Variants in CAMK1D observed in about 807,000 individuals in gnomAD.
CAMK1D encodes calcium/calmodulin-dependent protein kinase type 1D.
Under a neutral mutation model 47.7 loss-of-function variants are expected in CAMK1D, and 9 were observed. The observed-to-expected ratio is 0.19, with a 90% CI of 0.11 to 0.33. The LOEUF (loss-of-function observed/expected upper bound fraction) is 0.33. Among genes scored for constraint, CAMK1D ranks in the 10% least tolerant of loss-of-function variants. The pLI is 1.00. For synonymous variants in CAMK1D, 184 were observed against 184.9 expected, an observed-to-expected ratio of 0.99 and a Z score of 0.04; for missense variants, 291 against 488.7, an observed-to-expected ratio of 0.60 and a Z score of 3.81.
intron 2 of CAMK1D, among the ~76,000 whole-genome samples, chr10:12,577,534 C>T (rs12252587): frequency 0.031 from 4,715 of 152,344 alleles, 244 homozygotes; most frequent in African/African-American, 0.11. Context: ...AGTTCTGTTT[C>T]TGCCATTATT....
At chr10:12,788,439 G>A (rs143409408) in intron 5 of CAMK1D, among the ~76,000 whole-genome samples, 1 of 152,352 alleles carries the variant, frequency 6.6e-6, no homozygotes, top group Non-Finnish European at 1.5e-5. Flanking sequence ...CTGGAACCTA[G>A]CGCCTCCACC....
intron 1 of CAMK1D, among the ~76,000 whole-genome samples, chr10:12,468,084 C>G (rs557906579): frequency 2.3e-4 from 35 of 152,038 alleles, no homozygotes; most frequent in Non-Finnish European, 2.9e-5. Flanking sequence ...GAGACAGGGT[C>G]TCACTCTGTC....
chr10:12,418,697 T>G (rs746546770), intron 1 of CAMK1D, among the ~76,000 whole-genome samples: 1 of 152,158 alleles, frequency 6.6e-6, no homozygotes, highest in Non-Finnish European at 1.5e-5. Flanking sequence ...GCATTAAATT[T>G]TTTTTCTGAT....
intron 1 of CAMK1D, among the ~76,000 whole-genome samples, chr10:12,462,997 A>G (rs1833482263): frequency 6.6e-6 from 1 of 152,234 alleles, no homozygotes; most frequent in Non-Finnish European, 1.5e-5. Flanking sequence ...AAATGAGCAT[A>G]TGCCAGAGAA....
intron 2 of CAMK1D, among the ~76,000 whole-genome samples, chr10:12,566,941 C>T (rs528203949): frequency 2.8e-4 from 42 of 152,278 alleles, no homozygotes; most frequent in Admixed American, 2.0e-3. Flanking sequence ...CTTGGATTGC[C>T]GTCGTATGCT....
At chr10:12,362,545 T>C (rs1215869463) in intron 1 of CAMK1D, among the ~76,000 whole-genome samples, 1 of 152,222 alleles carries the variant, frequency 6.6e-6, no homozygotes, top group African/African-American at 2.4e-5. Context: ...TCCCCCAGGC[T>C]GGAGTGCAGT....
rs536245329 is a variant in CAMK1D at position 12,835,359 on chromosome 10, C to A, written c.*6472C>A. ...AGGGAAACTGTGAATTTATTCCATG[C>A]ATGTAATAAACTCTGCAAGAAGTTT... On this transcript the variant is annotated 3_prime_UTR_variant, in exon 11 of 11. Transcript: ENST00000619168. 4 of 152,308 alleles carry A rather than the reference C, an allele frequency of 2.6e-5. No individual in the cohort carries two copies. Among genetic ancestry groups the A allele is most frequent in the Admixed American group, 1.3e-4 (2 of 15,300 alleles). 9.4% of individuals were successfully genotyped at this position (152,308 alleles called of 1,614,324 possible). A position where few individuals can be genotyped will look rare whatever the true frequency, so the allele number is the denominator to read the frequency against.
chr10:12,794,168 A>G (rs1471804426), intron 6 of CAMK1D, among the ~76,000 whole-genome samples: 1 of 152,194 alleles, frequency 6.6e-6, no homozygotes, highest in Non-Finnish European at 1.5e-5. Flanking sequence ...GATTATGGGC[A>G]GAGTGGTGAA....
At chr10:12,524,491 A>C (rs1835553822) in intron 1 of CAMK1D, among the ~76,000 whole-genome samples, 1 of 151,918 alleles carries the variant, frequency 6.6e-6, no homozygotes, top group East Asian at 2.0e-4. Context: ...GCGGATCACG[A>C]GGTCAGGAGA....
chr10:12,778,027 G>T (rs558805137), intron 5 of CAMK1D, among the ~76,000 whole-genome samples: 1 of 152,218 alleles, frequency 6.6e-6, no homozygotes, highest in African/African-American at 2.4e-5. Flanking sequence ...GCCTAGCATG[G>T]TGTCTTTGTA....
chr10:12,492,009 T>G (rs1834398468), intron 1 of CAMK1D, among the ~76,000 whole-genome samples: 1 of 152,196 alleles, frequency 6.6e-6, no homozygotes, highest in Non-Finnish European at 1.5e-5. Context: ...GGTCTCGAAC[T>G]CCTGACCTCA....
chr10:12,534,239 T>C (rs1196156149), intron 1 of CAMK1D, among the ~76,000 whole-genome samples: 1 of 152,254 alleles, frequency 6.6e-6, no homozygotes, highest in East Asian at 1.9e-4. Context: ...TCATGGAGTC[T>C]CGCTCTGTCA....
chr10:12,481,352 T>C (rs12763789), intron 1 of CAMK1D, among the ~76,000 whole-genome samples: 22,406 of 152,026 alleles, frequency 0.15, 1,753 homozygotes, highest in Non-Finnish European at 0.18. Flanking sequence ...ACCAGGACCA[T>C]TTTCCAAACC....
intron 2 of CAMK1D, among the ~76,000 whole-genome samples, chr10:12,655,753 G>C (rs1292330639): frequency 6.6e-6 from 1 of 152,226 alleles, no homozygotes; most frequent in Non-Finnish European, 1.5e-5. Flanking sequence ...GGGCGTTTCT[G>C]TATTAGTCCA....
intron 1 of CAMK1D, among the ~76,000 whole-genome samples, chr10:12,549,095 G>A (rs1482481741): frequency 1.3e-5 from 2 of 150,160 alleles, no homozygotes; most frequent in Non-Finnish European, 3.0e-5. Context: ...ACCTCAAGTG[G>A]TCTGCCCGCC....
intron 5 of CAMK1D, among the ~76,000 whole-genome samples, chr10:12,787,436 C>T (rs1046445730): frequency 6.6e-6 from 1 of 152,168 alleles, no homozygotes; most frequent in African/African-American, 2.4e-5. Flanking sequence ...TCCTCCCTCC[C>T]ACCATCCACG....
At chr10:12,749,928 C>T (rs1324807789) in intron 3 of CAMK1D, among the ~76,000 whole-genome samples, 1 of 152,138 alleles carries the variant, frequency 6.6e-6, no homozygotes, top group East Asian at 1.9e-4. Context: ...TACACCATAG[C>T]CATGAGTAGA....
intron 1 of CAMK1D, among the ~76,000 whole-genome samples, chr10:12,504,133 G>A (rs894565533): frequency 1.3e-5 from 2 of 150,800 alleles, no homozygotes; most frequent in Non-Finnish European, 3.0e-5. Context: ...GTGTGTCTGT[G>A]TGTGTGTGTG....
intron 3 of CAMK1D, among the ~76,000 whole-genome samples, chr10:12,720,012 A>G (rs1438566187): frequency 6.6e-6 from 1 of 152,204 alleles, no homozygotes; most frequent in Non-Finnish European, 1.5e-5. Context: ...CTGGGTAGGA[A>G]AGGAGGCATG....
Sources: allele counts gnomAD v4.1 joint callset (sites outside exome capture counted in the v4.1 genomes callset), GRCh38; gene constraint gnomAD v4.1.1; transcripts MANE v1.5; gene names NCBI Gene and HGNC (gene_info 2026-07-23, HGNC 2026-07-21).